CSTF3: variants seen among roughly 807,000 people sequenced by gnomAD.
CSTF3 encodes the protein CF-1 77 kDa subunit.
CSTF3 carries 29 observed loss-of-function variants against 105.8 expected under a neutral mutation model. The ratio of observed to expected loss-of-function variants is 0.27; its 90% CI spans 0.20 to 0.37. The LOEUF is 0.37. Ranked by LOEUF, CSTF3 falls within the 10% of genes least tolerant of loss-of-function variation. The probability of loss-of-function intolerance (pLI) is 1.00; values close to 1 mark genes in which losing one functional copy is unlikely to be tolerated. For missense variants in CSTF3, 357 were observed against 879.3 expected (o/e 0.41, Z 7.51); for synonymous variants, 252 against 281.9 (o/e 0.89, Z 1.06).
chr11:33,121,228 C>T (rs1488737593), intron 3 of CSTF3, among the ~76,000 whole-genome samples: 1 of 151,884 alleles, frequency 6.6e-6, no homozygotes, highest in Non-Finnish European at 1.5e-5. Flanking sequence ...ATATTAAGTT[C>T]CAGGAGAATC....
At chr11:33,092,041 GATA>G (rs1036199327) in intron 16 of CSTF3, among the ~76,000 whole-genome samples, 1 of 152,158 alleles carries the variant, frequency 6.6e-6, no homozygotes, top group Non-Finnish European at 1.5e-5. Context: ...CAAGAAAGAT[GATA>G]ATAAATTGCT....
At chr11:33,098,984 C>A in intron 12 of CSTF3, 50 bp downstream of exon 12, 2 of 1,539,242 alleles carry the variant, frequency 1.3e-6, no homozygotes, top group South Asian at 1.3e-5. Flanking sequence ...AAAGTTCAGT[C>A]CTGCACTAAA....
intron 4 of CSTF3, 99 bp downstream of exon 4, chr11:33,108,287 C>G (rs1855346268): frequency 1.8e-6 from 2 of 1,104,572 alleles, no homozygotes; most frequent in African/African-American, 3.3e-5. Context: ...AAATCACTAT[C>G]TAGATTCAAT....
intron 9 of CSTF3, 97 bp from the exon 10 acceptor site, chr11:33,102,436 T>C: frequency 9.4e-7 from 1 of 1,063,876 alleles, no homozygotes; most frequent in Non-Finnish European, 1.4e-6. Flanking sequence ...TCAAGATGCC[T>C]ACTTTTTCCA....
chr11:33,143,928 T>A (rs986185921), intron 1 of CSTF3, among the ~76,000 whole-genome samples: 2 of 152,122 alleles, frequency 1.3e-5, no homozygotes, highest in African/African-American at 4.8e-5. Flanking sequence ...AGGCGGAGCT[T>A]ACAGTTAGCC....
chr11:33,149,578 G>A (rs1370568437), intron 1 of CSTF3, among the ~76,000 whole-genome samples: 1 of 152,192 alleles, frequency 6.6e-6, no homozygotes, highest in Non-Finnish European at 1.5e-5. Context: ...ATTATTACCT[G>A]AATCTGTTGC....
At chr11:33,154,112 T>C (rs562917082) in intron 1 of CSTF3, among the ~76,000 whole-genome samples, 128 of 152,214 alleles carry the variant, frequency 8.4e-4, no homozygotes, top group Non-Finnish European at 1.4e-3. Context: ...TCTAACTCTG[T>C]GGTCTGCAAG....
chr11:33,107,339 A>G (rs1472829896), intron 5 of CSTF3, among the ~76,000 whole-genome samples: 1 of 152,158 alleles, frequency 6.6e-6, no homozygotes, highest in African/African-American at 2.4e-5. Flanking sequence ...AATCATAACA[A>G]AAAGTATAAT....
chr11:33,099,209 AAATT>A lies in CSTF3; in HGVS notation c.937-63_937-60del, dbSNP rs1855255158. The A allele has an allele frequency of 1.3e-6, 2 of 1,540,526 alleles. No individual in the cohort carries two copies. Among genetic ancestry groups the A allele is most frequent in the African/African-American group, 1.4e-5 (1 of 71,072 alleles). Reference sequence around the variant, plus strand: ...ATTTTAATATAGTTGTGAGAGAATAAAATTAATAAAGTTACATCTACTTTATTTT... The same window carrying A: ...ATTTTAATATAGTTGTGAGAGAATAAAATAAAGTTACATCTACTTTATTTT... On this transcript the variant is annotated intron_variant, in intron 11 of 20. Transcript: ENST00000323959. This position sits in a 1 kb window ranked among gnomAD's most constrained non-coding sequence, Gnocchi z 4.1.
chr11:33,103,652 C>G (rs1272313413), intron 8 of CSTF3, among the ~76,000 whole-genome samples: 1 of 152,064 alleles, frequency 6.6e-6, no homozygotes. Context: ...CGCCTGTAAT[C>G]CCAGCTACTT....
intron 3 of CSTF3, among the ~76,000 whole-genome samples, chr11:33,113,699 G>A (rs1251250000): frequency 6.6e-6 from 1 of 151,740 alleles, no homozygotes; most frequent in Non-Finnish European, 1.5e-5. Flanking sequence ...TTTAATAGAA[G>A]AGTATGATAA....
chr11:33,130,185 A>G (rs1855584137), intron 3 of CSTF3, among the ~76,000 whole-genome samples: 1 of 152,218 alleles, frequency 6.6e-6, no homozygotes, highest in African/African-American at 2.4e-5. Flanking sequence ...ACTTCCTTTT[A>G]GATCAGGCTG....
At chr11:33,136,058 TGCAAA>T (rs1341776712) in intron 3 of CSTF3, 4 of 152,518 alleles carry the variant, frequency 2.6e-5, no homozygotes, top group African/African-American at 7.2e-5. Flanking sequence ...AATTAACACT[TGCAAA>T]TAGAAAATTT....
chr11:33,144,919 G>A (rs562776059), intron 1 of CSTF3: 1 of 223,110 alleles, frequency 4.5e-6, no homozygotes, highest in South Asian at 4.7e-5. Flanking sequence ...GAAGTTGCAG[G>A]GAACTGAGAT....
Position 33,141,689 on chromosome 11 carries a change from C to A in CSTF3, c.203G>T (p.Trp68Leu). The A allele has an allele frequency of 1.4e-5, 22 of 1,612,408 alleles. No homozygotes were observed. The highest frequency in any genetic ancestry group is 1.9e-5 in the Non-Finnish European group (22 of 1,179,480). The change falls in exon 3 of 21, where the codon TGG (tryptophan) becomes TTG (leucine). Residue 68 changes from tryptophan to leucine, a missense_variant. By Grantham distance (61) the Trp-to-Leu change is moderately conservative. Transcript: ENST00000323959. ...VAQFPSSGRF[W>L]KLYIEAEIKA... Reference sequence around the variant, plus strand: ...AACCTCTGCTTCAATGTACAGTTTCCAGAATCTGCCAGAACTGGGGAACTG... The same window carrying A: ...AACCTCTGCTTCAATGTACAGTTTCAAGAATCTGCCAGAACTGGGGAACTG...
At chr11:33,121,091 G>T (rs1294483052) in intron 3 of CSTF3, among the ~76,000 whole-genome samples, 1 of 151,980 alleles carries the variant, frequency 6.6e-6, no homozygotes, top group Non-Finnish European at 1.5e-5. Flanking sequence ...ATGAAAACAT[G>T]ATTTCTATTT....
At chr11:33,133,286 G>A (rs907492698) in intron 3 of CSTF3, among the ~76,000 whole-genome samples, 2 of 152,256 alleles carry the variant, frequency 1.3e-5, no homozygotes, top group Non-Finnish European at 2.9e-5. Flanking sequence ...AATCAATAGG[G>A]TTTAAATGGA....
chr11:33,098,935 A>G (rs1855252164), intron 12 of CSTF3, 99 bp downstream of exon 12: 2 of 1,479,988 alleles, frequency 1.4e-6, no homozygotes, highest in African/African-American at 2.9e-5. Context: ...ATCTCTGTCT[A>G]CCAAAAGCAA....
chr11:33,155,115 G>C (rs12808995), intron 1 of CSTF3, among the ~76,000 whole-genome samples: 1 of 151,850 alleles, frequency 6.6e-6, no homozygotes, highest in Non-Finnish European at 1.5e-5. Flanking sequence ...CCAGCGCTTT[G>C]GAAGGCCAAG....
Sources: gnomAD v4.1 joint callset for allele counts (sites outside exome capture counted in the v4.1 genomes callset) on GRCh38, gnomAD v4.1.1 for gene constraint, Gnocchi (gnomAD v3.1) non-coding constraint, MANE v1.5 for transcripts, NCBI Gene and HGNC (gene_info 2026-07-23, HGNC 2026-07-21) for gene names.